MAGI1: variants seen among roughly 807,000 people sequenced by gnomAD.
MAGI1 encodes the protein membrane associated guanylate kinase, WW and PDZ domain containing 1.
In MAGI1, 58 loss-of-function variants were observed where a neutral mutation model predicts 139.9. The ratio of observed to expected loss-of-function variants is 0.41; its 90% CI spans 0.34 to 0.52. The LOEUF is 0.52. MAGI1 is among the 20% of genes least tolerant of loss of function. The pLI, the probability that MAGI1 is intolerant of heterozygous loss-of-function variation, is 0.12. For synonymous variants in MAGI1, 812 were observed against 737.9 expected (o/e 1.10, Z -1.63); for missense variants, 1,874 against 1,901.6 (o/e 0.99, Z 0.27).
chr3:66,020,516 G>A (rs2107548125), intron 1 of MAGI1, among the ~76,000 whole-genome samples: 1 of 152,280 alleles, frequency 6.6e-6, no homozygotes, highest in East Asian at 1.9e-4. Flanking sequence ...TTACAGATAT[G>A]TAGGTTGTAT....
At chr3:65,484,446 C>A (rs886842389) in intron 3 of MAGI1, among the ~76,000 whole-genome samples, 1 of 152,082 alleles carries the variant, frequency 6.6e-6, no homozygotes, top group South Asian at 2.1e-4. Flanking sequence ...AATATCACCC[C>A]CAAGGGGGCA....
At chr3:65,775,330 T>A (rs1043608774) in intron 1 of MAGI1, among the ~76,000 whole-genome samples, 2 of 151,588 alleles carry the variant, frequency 1.3e-5, no homozygotes, top group Non-Finnish European at 2.9e-5. Context: ...ATGCCTGTAG[T>A]ATCAGCTACT....
chr3:65,767,707 C>T (rs906597081), intron 1 of MAGI1, among the ~76,000 whole-genome samples: 2 of 152,154 alleles, frequency 1.3e-5, no homozygotes, highest in Admixed American at 6.6e-5. Flanking sequence ...AATGGGGTTA[C>T]TCATGCTAAG....
intron 1 of MAGI1, among the ~76,000 whole-genome samples, chr3:66,017,828 TG>T (rs1235896314): frequency 6.6e-6 from 1 of 152,024 alleles, no homozygotes; most frequent in African/African-American, 2.4e-5. Context: ...AGGTGAGAGC[TG>T]GAAGTCATCC....
intron 1 of MAGI1, among the ~76,000 whole-genome samples, chr3:65,769,799 AG>A (rs1479739360): frequency 6.6e-6 from 1 of 152,244 alleles, no homozygotes; most frequent in African/African-American, 2.4e-5. Flanking sequence ...AAAGCAAAAA[AG>A]GTGAGAAGGC....
At chr3:66,005,874 G>C (rs1343276639) in intron 1 of MAGI1, among the ~76,000 whole-genome samples, 1 of 152,074 alleles carries the variant, frequency 6.6e-6, no homozygotes, top group Non-Finnish European at 1.5e-5. Flanking sequence ...CTTAGGAAGG[G>C]CTGCAAAAGG....
chr3:65,787,562 A>G (rs988142427), intron 1 of MAGI1, among the ~76,000 whole-genome samples: 4 of 149,604 alleles, frequency 2.7e-5, no homozygotes, highest in African/African-American at 9.9e-5. Context: ...ACTGAGGGCT[A>G]TACTAGATGC....
intron 1 of MAGI1, among the ~76,000 whole-genome samples, chr3:65,890,233 C>T (rs1020646432): frequency 8.6e-5 from 13 of 152,044 alleles, no homozygotes; most frequent in African/African-American, 2.4e-4. Context: ...GGCGTGGTGG[C>T]GGGCGCCTGC....
intron 1 of MAGI1, among the ~76,000 whole-genome samples, chr3:65,857,956 T>C (rs1281320271): frequency 6.6e-6 from 1 of 152,066 alleles, no homozygotes; most frequent in Admixed American, 6.5e-5. Context: ...TAAATAGTAT[T>C]CATTCTAGCC....
chr3:65,988,360 G>A (rs1292821890), intron 1 of MAGI1, among the ~76,000 whole-genome samples: 1 of 152,136 alleles, frequency 6.6e-6, no homozygotes, highest in African/African-American at 2.4e-5. Flanking sequence ...CCAGTGAAGG[G>A]GGTTATGCAG....
chr3:65,819,631 C>A (rs1474166828), intron 1 of MAGI1, among the ~76,000 whole-genome samples: 1 of 151,924 alleles, frequency 6.6e-6, no homozygotes, highest in African/African-American at 2.4e-5. Context: ...GTACTCCCAG[C>A]ACTTTGGGAG....
At chr3:65,682,644 G>A (rs2087674111) in intron 1 of MAGI1, among the ~76,000 whole-genome samples, 1 of 152,042 alleles carries the variant, frequency 6.6e-6, no homozygotes, top group Non-Finnish European at 1.5e-5. Context: ...CAACTTTTAA[G>A]AAGAAACTTA....
At chr3:65,655,505 A>T (rs984085956) in intron 1 of MAGI1, among the ~76,000 whole-genome samples, 1 of 152,168 alleles carries the variant, frequency 6.6e-6, no homozygotes, top group Non-Finnish European at 1.5e-5. Flanking sequence ...ATGCATACAG[A>T]TCTATTAATT....
At chr3:65,781,698 CA>C (rs1437463512) in intron 1 of MAGI1, among the ~76,000 whole-genome samples, 1 of 152,190 alleles carries the variant, frequency 6.6e-6, no homozygotes, top group Non-Finnish European at 1.5e-5. Context: ...GAGGCCATTA[CA>C]AGATCCTAAA....
At chr3:65,576,682 C>G (rs981023651) in intron 2 of MAGI1, among the ~76,000 whole-genome samples, 1 of 152,162 alleles carries the variant, frequency 6.6e-6, no homozygotes, top group Admixed American at 6.6e-5. Flanking sequence ...AGAGCCAATT[C>G]AGAACTCATA....
chr3:65,435,899 A>G (rs1265162159), intron 10 of MAGI1, among the ~76,000 whole-genome samples: 1 of 152,158 alleles, frequency 6.6e-6, no homozygotes, highest in East Asian at 1.9e-4. Flanking sequence ...TTTGCTGGTT[A>G]AAAGAACTGA....
At chr3:65,562,125 T>C (rs1462369383) in intron 2 of MAGI1, among the ~76,000 whole-genome samples, 3 of 146,088 alleles carry the variant, frequency 2.1e-5, no homozygotes, top group Non-Finnish European at 4.5e-5. Context: ...TATGTATGTA[T>C]AGGAATAAAC....
intron 1 of MAGI1, among the ~76,000 whole-genome samples, chr3:65,841,655 T>C (rs2058811602): frequency 6.6e-6 from 1 of 152,110 alleles, no homozygotes; most frequent in African/African-American, 2.4e-5. Context: ...CTTGAACTCC[T>C]GACCTCATGA....
chr3:65,533,358 G>T (rs1363683452), intron 2 of MAGI1, among the ~76,000 whole-genome samples: 3 of 152,128 alleles, frequency 2.0e-5, no homozygotes, highest in Non-Finnish European at 4.4e-5. Flanking sequence ...TCTCATCACA[G>T]AATCAAATAC....
Sources: allele counts gnomAD v4.1 joint callset (sites outside exome capture counted in the v4.1 genomes callset), GRCh38; gene constraint gnomAD v4.1.1; transcripts MANE v1.5; gene names NCBI Gene and HGNC (gene_info 2026-07-23, HGNC 2026-07-21).